INTS6: variants seen among roughly 807,000 people sequenced by gnomAD.
INTS6 encodes integrator complex subunit 6.
Under a neutral mutation model 104.9 loss-of-function variants are expected in INTS6, and 16 were observed. The observed-to-expected ratio is 0.15, with a 90% CI of 0.10 to 0.23. INTS6 has a LOEUF of 0.23. Among genes scored for constraint, INTS6 ranks in the 10% least tolerant of loss-of-function variants. INTS6 has a pLI of 1.00. For synonymous variants in INTS6, 324 were observed against 358.7 expected (o/e 0.90, Z 1.09); for missense variants, 584 against 1,062.8 (o/e 0.55, Z 6.26).
At chr13:51,349,920 T>G (rs1955388324), downstream of INTS6, among the ~76,000 whole-genome samples, 1 of 152,228 alleles carries the variant, frequency 6.6e-6, no homozygotes, top group South Asian at 2.1e-4. Context: ...TAACCAAGTT[T>G]TTTTTGTTTG....
At chr13:51,348,632 C>A in the INTS6 span, 3 of 387,044 alleles carry the variant, frequency 7.8e-6, no homozygotes, top group Non-Finnish European at 1.3e-5. Flanking sequence ...AATGAACTAA[C>A]TTCCCAGAGT....
chr13:51,346,598 C>T, the INTS6 span, among the ~76,000 whole-genome samples: 2 of 152,212 alleles, frequency 1.3e-5, no homozygotes, highest in Admixed American at 1.3e-4. Flanking sequence ...TGACTGGTCA[C>T]CCAGGTGTCA....
Position 51,449,643 on chromosome 13 carries a change from A to C in INTS6, c.339+1382T>G, listed in dbSNP as rs775732483. ...AACCAAATAATGGCAAGTTTTAAAT[A>C]TCTCTTTGAACTCAAAGAGGTAAGG... On this transcript the variant is annotated intron_variant, in intron 3 of 17. Coordinates refer to ENST00000311234, the MANE Select transcript of INTS6 (RefSeq NM_012141.3). The C allele has an allele frequency of 1.1e-3, 1,069 of 985,148 alleles. 2 individuals carry two copies. Among genetic ancestry groups the C allele is most frequent in the Non-Finnish European group, 1.3e-3 (1,042 of 829,768 alleles). 61.0% of individuals were successfully genotyped at this position (985,148 alleles called of 1,614,324 possible).
chr13:51,355,272 T>A, intron 3 of INTS6: 1 of 547,284 alleles, frequency 1.8e-6, no homozygotes, highest in Non-Finnish European at 3.2e-6. Flanking sequence ...CTGTTTTATA[T>A]AAGAATGTGT....
At chr13:51,388,727 T>C (rs948175308) in intron 6 of INTS6, among the ~76,000 whole-genome samples, 2 of 152,166 alleles carry the variant, frequency 1.3e-5, no homozygotes, top group African/African-American at 4.8e-5. Flanking sequence ...TAACATACAA[T>C]GCAGAGGGTC....
At chr13:51,378,803 A>T (rs1483403231) in intron 11 of INTS6, among the ~76,000 whole-genome samples, 3 of 152,072 alleles carry the variant, frequency 2.0e-5, no homozygotes, top group Admixed American at 6.6e-5. Flanking sequence ...TTATTTTTTT[A>T]AAATCATCAT....
rs1955642303 is a variant in INTS6 at position 51,364,292 on chromosome 13, C to T, written c.*1460G>A. 3 of 1,430,298 alleles carry T rather than the reference C, an allele frequency of 2.1e-6. No individual in the cohort carries two copies. The highest frequency in any genetic ancestry group is 5.0e-5 in the East Asian group (2 of 39,906). The allele number at this position is 1,430,298 out of a possible 1,614,324, so 88.6% of individuals were successfully genotyped here. On this transcript the variant is annotated 3_prime_UTR_variant, in exon 18 of 18. Coordinates refer to ENST00000311234, the MANE Select transcript of INTS6 (RefSeq NM_012141.3). ...AAATCCCCTAGACTAAATGCATGTTCTCCACTTTCATCAATGCTTTTCTTC... is the reference window on the plus strand; with the variant it reads ...AAATCCCCTAGACTAAATGCATGTTTTCCACTTTCATCAATGCTTTTCTTC...
At chr13:51,412,689 C>T (rs1188589813) in intron 4 of INTS6, among the ~76,000 whole-genome samples, 2 of 152,152 alleles carry the variant, frequency 1.3e-5, no homozygotes, top group African/African-American at 4.8e-5. Context: ...TAAGGGATAC[C>T]TGAAGTACTT....
Position 51,364,469 on chromosome 13 carries a change from C to T in INTS6, c.*1283G>A, listed in dbSNP as rs2137842376. On this transcript the variant is annotated 3_prime_UTR_variant, in exon 18 of 18. Coordinates refer to ENST00000311234, the MANE Select transcript of INTS6 (RefSeq NM_012141.3). ...TAAGTTTATTTTGCCTACTCTTAAT[C>T]CAAATCTATTTTGACCTTCTTTTCT... 1 of 488,290 alleles carries T rather than the reference C, an allele frequency of 2.0e-6. No homozygotes were observed. Among genetic ancestry groups the T allele is most frequent in the Non-Finnish European group, 3.6e-6 (1 of 278,308 alleles). 30.2% of individuals were successfully genotyped at this position (488,290 alleles called of 1,614,324 possible). A position where few individuals can be genotyped will look rare whatever the true frequency, so the allele number is the denominator to read the frequency against.
intron 15 of INTS6, among the ~76,000 whole-genome samples, chr13:51,373,017 C>T (rs1395398834): frequency 1.3e-5 from 2 of 152,084 alleles, no homozygotes; most frequent in African/African-American, 4.8e-5. Context: ...TCTGTAAAAT[C>T]CTTCCGTACC....
chr13:51,353,889 A>C (rs1462618730), downstream of INTS6, among the ~76,000 whole-genome samples: 2 of 152,110 alleles, frequency 1.3e-5, no homozygotes, highest in Non-Finnish European at 2.9e-5. Context: ...TTTATTTTCA[A>C]AGAAAAATAA....
chr13:51,348,211 A>G, the INTS6 span: 2 of 1,579,916 alleles, frequency 1.3e-6, no homozygotes, highest in South Asian at 2.3e-5. Context: ...CTGTACCCTC[A>G]GGTCAGTTCC....
rs935498632 is a variant in INTS6 at position 51,452,649 on chromosome 13, A to G, written c.-124T>C. The G allele has an allele frequency of 4.7e-6, 7 of 1,484,952 alleles. No homozygotes were observed. Among genetic ancestry groups the G allele is most frequent in the Admixed American group, 2.4e-5 (1 of 42,160 alleles). The allele number at this position is 1,484,952 out of a possible 1,614,324, so 92.0% of individuals were successfully genotyped here. On this transcript the variant is annotated 5_prime_UTR_variant, in exon 1 of 18. Transcript: ENST00000311234. This position sits in a 1 kb window ranked among gnomAD's most constrained non-coding sequence, Gnocchi z 4.2. ...GGAGCACGGCCCCCGGGAGGAAAAC[A>G]CTGTCTGGGTCTTTCCTCCGGCTGC... is the stretch of plus-strand genomic sequence containing the variant.
At chr13:51,380,888 G>C (rs573486817) in intron 10 of INTS6, among the ~76,000 whole-genome samples, 1 of 152,218 alleles carries the variant, frequency 6.6e-6, no homozygotes, top group South Asian at 2.1e-4. Context: ...TGTTTCTAGA[G>C]ATTTGGGAAA....
chr13:51,367,446 G>A (rs962974051), intron 17 of INTS6, among the ~76,000 whole-genome samples: 4 of 151,858 alleles, frequency 2.6e-5, no homozygotes, highest in African/African-American at 4.8e-5. Flanking sequence ...AAAAATAAAT[G>A]ACACTCAAGT....
At chr13:51,358,821 T>C (rs538244369), downstream of INTS6, among the ~76,000 whole-genome samples, 12 of 152,130 alleles carry the variant, frequency 7.9e-5, no homozygotes, top group African/African-American at 2.9e-4. Flanking sequence ...GCTTTGTATA[T>C]AGAATGTTGT....
At chr13:51,347,345 G>A in the INTS6 span, 3 of 919,596 alleles carry the variant, frequency 3.3e-6, no homozygotes, top group Non-Finnish European at 3.4e-6. Flanking sequence ...GTTTCCGCAG[G>A]GTCCATCTGC....
In INTS6 at chr13:51,378,425, T is replaced by A; in HGVS notation, c.1416A>T (p.Gly472=). The stretch of plus-strand genomic sequence containing the variant: ...CCTGTACTACTTTTTTGCCTACAGA[T>A]CCAATGACTCGATCAGATTCTATTT... The part of the protein sequence containing the change: ...QAKIESDRVI[G]SVGKKVVQET... Residue 472 remains glycine, a synonymous_variant, in exon 12 of 18, where the codon GGA becomes GGT. Transcript: ENST00000311234. 6.2e-7 allele frequency: 1 copy of A among 1,613,130 alleles called. No individual in the cohort carries two copies. Among genetic ancestry groups the A allele is most frequent in the Admixed American group, 1.7e-5 (1 of 59,998 alleles).
chr13:51,415,696 C>T (rs1956776210), intron 4 of INTS6, among the ~76,000 whole-genome samples: 5 of 152,048 alleles, frequency 3.3e-5, no homozygotes, highest in Admixed American at 3.3e-4. Flanking sequence ...ATGTCTTTAC[C>T]AGCAGCATGA....
Sources: gnomAD v4.1 joint callset for allele counts (sites outside exome capture counted in the v4.1 genomes callset) on GRCh38, gnomAD v4.1.1 for gene constraint, Gnocchi (gnomAD v3.1) non-coding constraint, MANE v1.5 for transcripts, NCBI Gene and HGNC (gene_info 2026-07-23, HGNC 2026-07-21) for gene names.